The following MTMR3 variants were observed in gnomAD, a reference collection of about 807,000 sequenced individuals.
The protein encoded by MTMR3 is myotubularin related protein 3.
In MTMR3, 32 loss-of-function variants were observed where a neutral mutation model predicts 132.4. The observed-to-expected ratio is 0.24, with a 90% CI of 0.18 to 0.32. The LOEUF is 0.32. MTMR3 is among the 10% of genes least tolerant of loss of function. The pLI, the probability that MTMR3 is intolerant of heterozygous loss-of-function variation, is 1.00. For synonymous variants in MTMR3, 556 were observed against 550.3 expected (o/e 1.01, Z -0.14); for missense variants, 1,216 against 1,489.6 (o/e 0.82, Z 3.02).
At chr22:29,975,252 CTG>C (rs2054234890) in intron 3 of MTMR3, among the ~76,000 whole-genome samples, 2 of 152,076 alleles carry the variant, frequency 1.3e-5, no homozygotes, top group Admixed American at 6.5e-5. Context: ...GAAAATAAAA[CTG>C]AGAAATCTTT....
chr22:29,967,199 G>GTA (rs1293083180), intron 2 of MTMR3, among the ~76,000 whole-genome samples: 4 of 36,480 alleles, frequency 1.1e-4, no homozygotes. Context: ...TCTGTTGTGT[G>GTA]TGTGTGTGTG....
At chr22:29,970,170 T>G (rs2066505330) in intron 2 of MTMR3, among the ~76,000 whole-genome samples, 1 of 152,208 alleles carries the variant, frequency 6.6e-6, no homozygotes, top group South Asian at 2.1e-4. Context: ...ATTGTAAGTT[T>G]TTAGAAGAGC....
intron 2 of MTMR3, among the ~76,000 whole-genome samples, chr22:29,968,337 C>T (rs2066470044): frequency 6.6e-6 from 1 of 152,164 alleles, no homozygotes; most frequent in African/African-American, 2.4e-5. Flanking sequence ...GTTTAAGATA[C>T]AGCAGTTTGA....
At chr22:29,978,299 T>C (rs906788790) in intron 3 of MTMR3, 143 bp from the exon 4 acceptor site, 20 of 549,496 alleles carry the variant, frequency 3.6e-5, no homozygotes, top group Non-Finnish European at 5.9e-5. Context: ...CTTTTTAAGA[T>C]CAATATTGTT....
intron 9 of MTMR3, chr22:30,003,644 A>G (rs574674624): frequency 6.6e-6 from 1 of 152,328 alleles, no homozygotes; most frequent in East Asian, 1.9e-4. Context: ...GTCTGTTCCT[A>G]ATGAATACAA....
chr22:29,930,311 C>T (rs1217292701), intron 1 of MTMR3, among the ~76,000 whole-genome samples: 1 of 152,190 alleles, frequency 6.6e-6, no homozygotes, highest in Non-Finnish European at 1.5e-5. Context: ...GATCATATCT[C>T]CATCACTATA....
intron 1 of MTMR3, among the ~76,000 whole-genome samples, chr22:29,954,497 G>A (rs1048384016): frequency 2.0e-5 from 3 of 152,102 alleles, no homozygotes; most frequent in African/African-American, 7.2e-5. Context: ...ATGTTTGACT[G>A]TGGTTACTGG....
intron 8 of MTMR3, chr22:30,002,531 T>A (rs568271934): frequency 5.8e-6 from 1 of 171,688 alleles, no homozygotes; most frequent in East Asian, 1.6e-4. Flanking sequence ...GCAGAAGAGT[T>A]GTAATGGAGT....
At chr22:29,986,524 T>G in intron 5 of MTMR3, 7 of 946,582 alleles carry the variant, frequency 7.4e-6, no homozygotes, top group Non-Finnish European at 8.8e-6. Flanking sequence ...CCTTCTTAGA[T>G]GCACAGGTCT....
intron 1 of MTMR3, among the ~76,000 whole-genome samples, chr22:29,934,311 G>T (rs554521582): frequency 2.2e-4 from 33 of 152,214 alleles, no homozygotes; most frequent in African/African-American, 7.9e-4. Context: ...CTGAGATCGT[G>T]CCACTGCACT....
chr22:30,002,703 AACCC>A, intron 8 of MTMR3, 173 bp from the exon 9 acceptor site: 1 of 532,016 alleles, frequency 1.9e-6, no homozygotes, highest in Non-Finnish European at 3.4e-6. Context: ...CACTTATGGT[AACCC>A]ATTCTGTTGA....
intron 1 of MTMR3, among the ~76,000 whole-genome samples, chr22:29,904,969 G>A (rs1767521678): frequency 6.6e-6 from 1 of 152,124 alleles, no homozygotes; most frequent in African/African-American, 2.4e-5. Flanking sequence ...ATCACAGATG[G>A]CATATGGAAA....
chr22:30,010,278 A>G (rs2067382163), intron 12 of MTMR3: 3 of 152,230 alleles, frequency 2.0e-5, no homozygotes, highest in Admixed American at 2.0e-4. Context: ...AATGAAAGAC[A>G]TGTAATCAAC....
At chr22:29,998,671 T>C (rs1813344329) in intron 7 of MTMR3, 90 bp from the exon 8 acceptor site, 1 of 672,934 alleles carries the variant, frequency 1.5e-6, no homozygotes, top group Non-Finnish European at 2.4e-6. Context: ...TACATATATG[T>C]AACATATGTA....
intron 10 of MTMR3, 52 bp downstream of exon 10, chr22:30,007,371 T>C: frequency 6.4e-7 from 1 of 1,553,690 alleles, no homozygotes; most frequent in Non-Finnish European, 8.9e-7. Flanking sequence ...TCTAAGAACC[T>C]TTTCTTGAAA....
intron 1 of MTMR3, among the ~76,000 whole-genome samples, chr22:29,910,231 C>T (rs1232355802): frequency 6.6e-6 from 1 of 151,846 alleles, no homozygotes; most frequent in Non-Finnish European, 1.5e-5. Flanking sequence ...GAATGTAGGT[C>T]ATCGTTTAAA....
chr22:29,886,392 AC>A (rs1198647187), intron 1 of MTMR3, among the ~76,000 whole-genome samples: 2 of 152,220 alleles, frequency 1.3e-5, no homozygotes, highest in Non-Finnish European at 2.9e-5. Flanking sequence ...GATGTTAGTT[AC>A]TTTTTTAAGA....
At chr22:29,946,021 T>TTTTGTGTGTG (rs144010124) in intron 1 of MTMR3, among the ~76,000 whole-genome samples, 2 of 150,780 alleles carry the variant, frequency 1.3e-5, no homozygotes, top group African/African-American at 4.9e-5. Context: ...GTGTATATAT[T>TTTTGTGTGTG]TGTGTGTGTG....
chr22:30,030,087 C>T lies in MTMR3; in HGVS notation c.*4286C>T, dbSNP rs2067984904. 4 of 152,356 alleles carry T rather than the reference C, an allele frequency of 2.6e-5. No individual in the cohort carries two copies. In the South Asian group the frequency reaches 8.3e-4, roughly 32 times the overall value. 9.4% of individuals were successfully genotyped at this position (152,356 alleles called of 1,614,324 possible). A position where few individuals can be genotyped will look rare whatever the true frequency, so the allele number is the denominator to read the frequency against. On this transcript the variant is annotated 3_prime_UTR_variant, in exon 20 of 20. Coordinates refer to ENST00000401950, the MANE Select transcript of MTMR3 (RefSeq NM_021090.4). ...GTAGCCTCCCTGCTTGAACAGGCCT[C>T]TCCTAGGCTAGGCAGGTGTTCAGAG...
Sources: allele counts gnomAD v4.1 joint callset (sites outside exome capture counted in the v4.1 genomes callset), GRCh38; gene constraint gnomAD v4.1.1; transcripts MANE v1.5; gene names NCBI Gene and HGNC (gene_info 2026-07-23, HGNC 2026-07-21).